SSX2IP: variants seen among roughly 807,000 people sequenced by gnomAD.
SSX2IP encodes the protein SSX family member 2 interacting protein.
A neutral mutation model predicts 84.9 loss-of-function variants in SSX2IP; 55 were observed. The observed-to-expected ratio is 0.65, with a 90% CI of 0.52 to 0.81. SSX2IP has a LOEUF of 0.81. Ranked by LOEUF, SSX2IP falls within the 30% of genes least tolerant of loss-of-function variation. The pLI is 0.00. For synonymous variants in SSX2IP, 239 were observed against 234.7 expected (o/e 1.02, Z -0.17); for missense variants, 664 against 705.2 (o/e 0.94, Z 0.66).
At chr1:84,686,874 A>C (rs546926813) in intron 1 of SSX2IP, among the ~76,000 whole-genome samples, 1 of 152,354 alleles carries the variant, frequency 6.6e-6, no homozygotes, top group African/African-American at 2.4e-5. Flanking sequence ...CAGAAAGATG[A>C]TCACCAAATA....
At chr1:84,668,909 T>C (rs1371853545) in intron 4 of SSX2IP, among the ~76,000 whole-genome samples, 2 of 152,102 alleles carry the variant, frequency 1.3e-5, no homozygotes, top group Non-Finnish European at 2.9e-5. Context: ...TTTTCACAAA[T>C]AACAAAACCC....
intron 1 of SSX2IP, among the ~76,000 whole-genome samples, chr1:84,671,552 A>G (rs1325985286): frequency 4.6e-5 from 7 of 152,216 alleles, no homozygotes; most frequent in Admixed American, 4.6e-4. Context: ...TACAAGATAC[A>G]TGGTACACGA....
chr1:84,671,050 G>A, intron 2 of SSX2IP, 127 bp downstream of exon 2: 2 of 1,175,752 alleles, frequency 1.7e-6, no homozygotes, highest in South Asian at 1.8e-5. Flanking sequence ...ATGAAAATAA[G>A]TATTTTACAA....
chr1:84,685,166 T>C (rs950470254), intron 1 of SSX2IP, among the ~76,000 whole-genome samples: 2 of 152,238 alleles, frequency 1.3e-5, no homozygotes, highest in Admixed American at 6.5e-5. Context: ...AATTCTAAAT[T>C]CTACCCAGTC....
chr1:84,658,553 C>A (rs1488668179), intron 8 of SSX2IP, 85 bp from the exon 9 acceptor site: 2 of 1,418,756 alleles, frequency 1.4e-6, no homozygotes, highest in South Asian at 1.5e-5. Flanking sequence ...AGTTTGATTA[C>A]CAGAGGAAGC....
intron 12 of SSX2IP, among the ~76,000 whole-genome samples, chr1:84,651,268 A>C (rs529610207): frequency 6.6e-6 from 1 of 152,112 alleles, no homozygotes; most frequent in Admixed American, 6.5e-5. Flanking sequence ...CAGAGAGCCG[A>C]GATGCACTCC....
intron 1 of SSX2IP, among the ~76,000 whole-genome samples, chr1:84,687,591 T>C (rs1655975842): frequency 6.6e-6 from 1 of 152,224 alleles, no homozygotes; most frequent in Admixed American, 6.5e-5. Flanking sequence ...TTTCTGGAGT[T>C]TCTGAGGGCT....
In SSX2IP at chr1:84,647,483, A is replaced by G; in HGVS notation, c.1795T>C (p.Cys599Arg). The change falls in exon 14 of 14, where the codon TGC becomes CGC. Residue 599 changes from cysteine to arginine, a missense_variant. Physicochemically the swap from Cys to Arg is radical, Grantham distance 180. Transcript: ENST00000342203. ...PGSQEGCYSGCSLSYTNSHVE... is the reference protein window; with the variant it reads ...PGSQEGCYSGRSLSYTNSHVE... The stretch of plus-strand genomic sequence containing the variant: ...TGAGAATTTGTGTAGCTCAAGGAGC[A>G]TCCACTATAGCAACCTTCCTGTGAT... 6.2e-7 allele frequency: 1 copy of G among 1,612,638 alleles called. No individual in the cohort carries two copies. The highest frequency in any genetic ancestry group is 8.5e-7 in the Non-Finnish European group (1 of 1,179,184).
At chr1:84,649,072 T>C (rs1022962673) in intron 13 of SSX2IP, among the ~76,000 whole-genome samples, 5 of 152,184 alleles carry the variant, frequency 3.3e-5, no homozygotes, top group Non-Finnish European at 7.3e-5. Flanking sequence ...CTATTCCCCT[T>C]AGAACAATAT....
chr1:84,685,062 A>G (rs1383681899), intron 1 of SSX2IP, among the ~76,000 whole-genome samples: 1 of 152,244 alleles, frequency 6.6e-6, no homozygotes, highest in Non-Finnish European at 1.5e-5. Flanking sequence ...CAAACGTGTC[A>G]TGAGCCAAGG....
chr1:84,685,668 T>A (rs1655681022), intron 1 of SSX2IP, among the ~76,000 whole-genome samples: 1 of 152,240 alleles, frequency 6.6e-6, no homozygotes, highest in African/African-American at 2.4e-5. Context: ...GGTTTCCTCC[T>A]GACATTCAAC....
intron 13 of SSX2IP, among the ~76,000 whole-genome samples, 161 bp from the exon 14 acceptor site, chr1:84,647,768 G>A (rs1480872560): frequency 6.6e-6 from 1 of 151,008 alleles, no homozygotes; most frequent in Non-Finnish European, 1.5e-5. Flanking sequence ...AAAAACGGCT[G>A]GGAGCAGTAG....
At position 84,671,272 on chromosome 1, in the gene SSX2IP, T is replaced by C. The variant is rs1044741751; in HGVS notation, c.-53A>G. On this transcript the variant is annotated 5_prime_UTR_variant, in exon 2 of 14. Coordinates refer to ENST00000342203, the MANE Select transcript of SSX2IP (RefSeq NM_001166293.2). ...GGAACTAGTTCAGCAGTTAAACATT[T>C]AGTCTAGCTGCTGTCACTCTTCTAT... The C allele has an allele frequency of 1.3e-6, 2 of 1,599,550 alleles. No individual in the cohort carries two copies. The highest frequency in any genetic ancestry group is 1.3e-5 in the African/African-American group (1 of 74,252).
chr1:84,669,694 T>C lies in SSX2IP; in HGVS notation c.413A>G (p.Tyr138Cys). The change falls in exon 4 of 14, where the codon TAC becomes TGC. Residue 138 changes from tyrosine (Y) to cysteine (C), a missense_variant. Physicochemically the swap from Tyr to Cys is radical, Grantham distance 194. Transcript: ENST00000342203. Reference sequence around the variant, plus strand: ...TGCAATTTCTACCTTAAGTTTTGAGTAGCAGCTCTGTAGATGGTCCATATC... The same window carrying C: ...TGCAATTTCTACCTTAAGTTTTGAGCAGCAGCTCTGTAGATGGTCCATATC... ...GSDMDHLQSC[Y>C]SKLKEQLETS... 1.9e-6 allele frequency: 3 copies of C among 1,613,552 alleles called. No homozygotes were observed. The highest frequency in any genetic ancestry group is 1.1e-5 in the South Asian group (1 of 91,030).
Position 84,656,359 on chromosome 1 carries a change from G to C in SSX2IP, c.1204C>G (p.Gln402Glu), listed in dbSNP as rs375495640. ...TAATTCATATTCACCTGTAAAAGCTGTTGCTGAGTTTTAATCATTTCTTTA... is the reference window on the plus strand; with the variant it reads ...TAATTCATATTCACCTGTAAAAGCTCTTGCTGAGTTTTAATCATTTCTTTA... ...QCKEMIKTQQ[Q>E]LLQQQLATAY... is the part of the protein sequence containing the mutation. Residue 402 changes from glutamine to glutamate, a missense_variant, in exon 10 of 14, where the codon CAG (glutamine) becomes GAG (glutamate). Gln to Glu is a conservative substitution (Grantham distance 29, BLOSUM62 2). Coordinates refer to ENST00000342203, the MANE Select transcript of SSX2IP (RefSeq NM_001166293.2). 6 of 1,610,606 alleles carry C rather than the reference G, an allele frequency of 3.7e-6. No homozygotes were observed. The highest frequency in any genetic ancestry group is 2.7e-5 in the African/African-American group (2 of 74,822).
chr1:84,667,728 T>C (rs961594612), intron 4 of SSX2IP, among the ~76,000 whole-genome samples: 6 of 152,138 alleles, frequency 3.9e-5, no homozygotes, highest in East Asian at 1.9e-4. Context: ...TGATCTCTTA[T>C]GCTGCTACGC....
intron 6 of SSX2IP, 134 bp from the exon 7 acceptor site, chr1:84,662,664 T>G (rs1202883589): frequency 1.2e-6 from 1 of 817,330 alleles, no homozygotes; most frequent in Non-Finnish European, 1.9e-6. Flanking sequence ...AACAGCCTAA[T>G]TTTCGAGTTT....
chr1:84,671,057 A>G, intron 2 of SSX2IP, 120 bp downstream of exon 2: 1 of 1,231,234 alleles, frequency 8.1e-7, no homozygotes, highest in Non-Finnish European at 1.1e-6. Context: ...TAAGTATTTT[A>G]CAACGATTTG....
intron 1 of SSX2IP, among the ~76,000 whole-genome samples, chr1:84,680,552 TA>T (rs1654934031): frequency 6.6e-6 from 1 of 152,208 alleles, no homozygotes; most frequent in Admixed American, 6.5e-5. Flanking sequence ...TGCTAGCTAT[TA>T]TTAGCTATTT....
Sources: allele counts gnomAD v4.1 joint callset (sites outside exome capture counted in the v4.1 genomes callset), GRCh38; gene constraint gnomAD v4.1.1; transcripts MANE v1.5; gene names NCBI Gene and HGNC (gene_info 2026-07-23, HGNC 2026-07-21).